EFCAB6: variants seen among roughly 807,000 people sequenced by gnomAD.
EFCAB6 encodes the protein EF-hand calcium-binding domain-containing protein 6.
Under a neutral mutation model 169.8 loss-of-function variants are expected in EFCAB6, and 156 were observed. The ratio of observed to expected loss-of-function variants is 0.92; its 90% CI spans 0.81 to 1.05. EFCAB6 has a LOEUF of 1.05. Ranked by LOEUF, EFCAB6 falls within the 50% of genes least tolerant of loss-of-function variation. The pLI, the probability that EFCAB6 is intolerant of heterozygous loss-of-function variation, is 0.00. For missense variants in EFCAB6, 1,800 were observed against 1,829.1 expected (o/e 0.98, Z 0.29); for synonymous variants, 698 against 676.4 (o/e 1.03, Z -0.50).
At chr22:43,675,978 C>G (rs2147032654) in intron 13 of EFCAB6, among the ~76,000 whole-genome samples, 1 of 152,066 alleles carries the variant, frequency 6.6e-6, no homozygotes, top group Middle Eastern at 3.4e-3. Context: ...AACAGCCTAA[C>G]TGCCCCAGTG....
chr22:43,709,698 T>C (rs540527631), intron 10 of EFCAB6, among the ~76,000 whole-genome samples: 15 of 152,366 alleles, frequency 9.8e-5, no homozygotes, highest in African/African-American at 3.1e-4. Context: ...ATTATTGCTA[T>C]TAAATTATTA....
intron 6 of EFCAB6, among the ~76,000 whole-genome samples, chr22:43,753,800 T>C (rs1317305777): frequency 6.6e-6 from 1 of 152,204 alleles, no homozygotes; most frequent in Non-Finnish European, 1.5e-5. Context: ...GGTCCAAACA[T>C]GCATGAGCAG....
chr22:43,548,711 A>T (rs1287727155), intron 27 of EFCAB6, among the ~76,000 whole-genome samples: 1 of 152,152 alleles, frequency 6.6e-6, no homozygotes, highest in Non-Finnish European at 1.5e-5. Context: ...TATTACAGTG[A>T]GTGATTTCAA....
intron 2 of EFCAB6, among the ~76,000 whole-genome samples, chr22:43,785,369 T>C (rs2062038854): frequency 6.6e-6 from 1 of 151,964 alleles, no homozygotes; most frequent in African/African-American, 2.4e-5. Context: ...ATTGAATAAT[T>C]CACAAATACG....
chr22:43,643,861 T>A (rs1012139826), intron 17 of EFCAB6, among the ~76,000 whole-genome samples: 5 of 151,848 alleles, frequency 3.3e-5, no homozygotes, highest in Non-Finnish European at 7.4e-5. Context: ...TCTCGCTCTG[T>A]CACCCAGGCT....
intron 10 of EFCAB6, among the ~76,000 whole-genome samples, chr22:43,694,854 A>G (rs1289495453): frequency 6.6e-6 from 1 of 152,070 alleles, no homozygotes; most frequent in East Asian, 1.9e-4. Context: ...CATTGCTAAT[A>G]TCACACTCAA....
intron 18 of EFCAB6, among the ~76,000 whole-genome samples, chr22:43,634,026 A>G (rs918097970): frequency 1.3e-5 from 2 of 152,048 alleles, no homozygotes; most frequent in Non-Finnish European, 2.9e-5. Flanking sequence ...GCAGGAAGTG[A>G]GGGGAGGAGA....
Position 43,628,459 on chromosome 22 carries a change from C to G in EFCAB6, c.2233-1780G>C, listed in dbSNP as rs144432085. 1.8e-3 allele frequency among the ~76,000 whole-genome samples: 277 copies of G among 152,312 alleles called. 2 individuals are homozygous for G. The highest frequency in any genetic ancestry group is 6.4e-3 in the African/African-American group (266 of 41,570). ...GCTGCCATCGTCGGCTCCGTGGCCT[C>G]TGCTCTGTGCAATCGCTCCCGAGCG... On this transcript the variant is annotated intron_variant, in intron 19 of 31. Transcript: ENST00000262726. The surrounding 1 kb of genome is among the most constrained non-coding windows in gnomAD (Gnocchi z 4.8).
chr22:43,548,257 G>A (rs552757899), intron 27 of EFCAB6, among the ~76,000 whole-genome samples: 41 of 152,036 alleles, frequency 2.7e-4, no homozygotes, highest in South Asian at 8.3e-4. Context: ...AAAAAATCCA[G>A]CTGGGCAAGG....
intron 27 of EFCAB6, among the ~76,000 whole-genome samples, chr22:43,546,394 C>T (rs1396238691): frequency 1.3e-5 from 2 of 152,054 alleles, no homozygotes; most frequent in Non-Finnish European, 2.9e-5. Context: ...TTTCGTGGGT[C>T]CTACACACAC....
chr22:43,625,875 T>C (rs920307901), intron 20 of EFCAB6, among the ~76,000 whole-genome samples: 3 of 152,242 alleles, frequency 2.0e-5, no homozygotes, highest in African/African-American at 7.2e-5. Flanking sequence ...CAAAGATTTA[T>C]CTGCACAGAG....
At chr22:43,682,343 T>C (rs1314450162) in intron 12 of EFCAB6, among the ~76,000 whole-genome samples, 2 of 152,230 alleles carry the variant, frequency 1.3e-5, no homozygotes, top group African/African-American at 2.4e-5. Flanking sequence ...ATTCTTAACC[T>C]ACACTGTCTG....
intron 19 of EFCAB6, among the ~76,000 whole-genome samples, chr22:43,627,553 T>C (rs2054613680): frequency 6.6e-6 from 1 of 152,238 alleles, no homozygotes; most frequent in South Asian, 2.1e-4. Flanking sequence ...TTTGTTGCAC[T>C]TGCCATTTGC....
At chr22:43,719,686 T>C (rs1452625835) in intron 8 of EFCAB6, among the ~76,000 whole-genome samples, 2 of 152,238 alleles carry the variant, frequency 1.3e-5, no homozygotes, top group African/African-American at 4.8e-5. Context: ...AGCTATGCAA[T>C]GGTGTGCTTT....
intron 8 of EFCAB6, among the ~76,000 whole-genome samples, chr22:43,724,793 C>T (rs1185503383): frequency 1.3e-5 from 2 of 152,224 alleles, no homozygotes; most frequent in Non-Finnish European, 1.5e-5. Context: ...ATGCTTTGCT[C>T]ATGGTAATCT....
At chr22:43,730,618 T>C (rs1002504545) in intron 8 of EFCAB6, among the ~76,000 whole-genome samples, 8 of 152,182 alleles carry the variant, frequency 5.3e-5, no homozygotes, top group Non-Finnish European at 5.9e-5. Flanking sequence ...GCCTAACTCT[T>C]CTTTCCATAT....
chr22:43,798,377 C>T (rs1279343309), intron 2 of EFCAB6, among the ~76,000 whole-genome samples: 2 of 152,052 alleles, frequency 1.3e-5, no homozygotes, highest in Non-Finnish European at 2.9e-5. Context: ...ATTTGCATTG[C>T]TGACCCGTTC....
At chr22:43,729,778 C>G (rs1357319071) in intron 8 of EFCAB6, among the ~76,000 whole-genome samples, 1 of 151,902 alleles carries the variant, frequency 6.6e-6, no homozygotes, top group Non-Finnish European at 1.5e-5. Flanking sequence ...CATTAGAGAT[C>G]TAGTAAGTAA....
chr22:43,597,769 T>C (rs1258761266), intron 23 of EFCAB6, among the ~76,000 whole-genome samples: 1 of 152,198 alleles, frequency 6.6e-6, no homozygotes, highest in Non-Finnish European at 1.5e-5. Flanking sequence ...AATCAGTATA[T>C]CTGCATTTCC....
Sources: gnomAD v4.1 joint callset for allele counts (sites outside exome capture counted in the v4.1 genomes callset) on GRCh38, gnomAD v4.1.1 for gene constraint, Gnocchi (gnomAD v3.1) non-coding constraint, MANE v1.5 for transcripts, NCBI Gene and HGNC (gene_info 2026-07-23, HGNC 2026-07-21) for gene names.